Variants in LDB2 observed in about 807,000 individuals in gnomAD.
LDB2 encodes LIM domain binding 2.
In LDB2, 12 loss-of-function variants were observed where a neutral mutation model predicts 44.3. The observed-to-expected ratio is 0.27, with a 90% CI of 0.17 to 0.44. The LOEUF (loss-of-function observed/expected upper bound fraction) is 0.44. Ranked by LOEUF, LDB2 falls within the 20% of genes least tolerant of loss-of-function variation. LDB2 has a pLI of 1.00. For missense variants in LDB2, 344 were observed against 473.5 expected (o/e 0.73, Z 2.54); for synonymous variants, 164 against 174.8 (o/e 0.94, Z 0.49).
At chr4:16,813,847 AG>A (rs1307453289) in intron 1 of LDB2, among the ~76,000 whole-genome samples, 1 of 151,158 alleles carries the variant, frequency 6.6e-6, no homozygotes, top group Non-Finnish European at 1.5e-5. Context: ...GGCTACCCAC[AG>A]GGATACTGAT....
intron 2 of LDB2, among the ~76,000 whole-genome samples, chr4:16,724,321 G>A (rs1208374873): frequency 1.3e-5 from 2 of 151,548 alleles, no homozygotes; most frequent in Non-Finnish European, 2.9e-5. Flanking sequence ...TGGGTAACTG[G>A]AGTGTGTTGG....
At chr4:16,532,384 C>T (rs535657570) in intron 5 of LDB2, among the ~76,000 whole-genome samples, 5 of 152,270 alleles carry the variant, frequency 3.3e-5, no homozygotes, top group Admixed American at 2.0e-4. Context: ...AGAGCCATTG[C>T]GCATGGTGAT....
At chr4:16,729,549 A>G (rs1385163557) in intron 2 of LDB2, among the ~76,000 whole-genome samples, 3 of 152,204 alleles carry the variant, frequency 2.0e-5, no homozygotes, top group Non-Finnish European at 2.9e-5. Flanking sequence ...ATAATCTGCT[A>G]TATTTCAGGC....
At chr4:16,879,909 AAC>A (rs1038431762) in intron 1 of LDB2, among the ~76,000 whole-genome samples, 22 of 152,156 alleles carry the variant, frequency 1.4e-4, no homozygotes, top group African/African-American at 5.1e-4. Flanking sequence ...CCAAGCACGG[AAC>A]ACAGAGACAA....
At chr4:16,771,878 T>C (rs1160712774) in intron 1 of LDB2, among the ~76,000 whole-genome samples, 1 of 152,224 alleles carries the variant, frequency 6.6e-6, no homozygotes, top group African/African-American at 2.4e-5. Flanking sequence ...GAGGATCTTT[T>C]AACAATACCC....
At chr4:16,815,634 T>G (rs974407303) in intron 1 of LDB2, among the ~76,000 whole-genome samples, 1 of 152,148 alleles carries the variant, frequency 6.6e-6, no homozygotes, top group Non-Finnish European at 1.5e-5. Flanking sequence ...CAGAACCCAC[T>G]CTTCAAGTCT....
At chr4:16,643,150 C>T (rs529622109) in intron 2 of LDB2, among the ~76,000 whole-genome samples, 1 of 132,746 alleles carries the variant, frequency 7.5e-6, no homozygotes, top group East Asian at 2.3e-4. Flanking sequence ...CAACAATTCT[C>T]TAACAGATAG....
At chr4:16,898,063 A>G (rs974881882) in intron 1 of LDB2, among the ~76,000 whole-genome samples, 10 of 151,370 alleles carry the variant, frequency 6.6e-5, no homozygotes, top group African/African-American at 2.4e-4. Flanking sequence ...GGACTGACTC[A>G]GAGCCTGTAA....
intron 5 of LDB2, among the ~76,000 whole-genome samples, chr4:16,537,825 G>A (rs1408523114): frequency 6.6e-6 from 1 of 152,148 alleles, no homozygotes; most frequent in Non-Finnish European, 1.5e-5. Flanking sequence ...ACTGCCACTG[G>A]TTTCTCAAGC....
intron 1 of LDB2, among the ~76,000 whole-genome samples, chr4:16,768,342 C>A (rs1769826465): frequency 6.6e-6 from 1 of 152,130 alleles, no homozygotes; most frequent in African/African-American, 2.4e-5. Context: ...TAACCCTACT[C>A]TCTTGTACAC....
chr4:16,508,639 A>G lies in LDB2; in HGVS notation c.787T>C (p.Ser263Pro). The change falls in exon 7 of 8, where the codon TCC becomes CCC. Residue 263 changes from serine to proline, a missense_variant. By Grantham distance (74) the Ser-to-Pro change is moderately conservative (BLOSUM62 -1). This residue lies in a region of LDB2 where 86 missense variants were observed against 171.2 expected (regional missense o/e 0.50). Transcript: ENST00000304523. ...CTGCTGTTGGAAGTGCTGCTGGTGG[A>G]ATTTTTCCTTTTTCTCCGTTTGGTT... Reference protein sequence around the residue: ...PTTKRRKRKNSTSSTSNSSAG... With the variant: ...PTTKRRKRKNPTSSTSNSSAG... The G allele has an allele frequency of 6.2e-7, 1 of 1,613,626 alleles. No individual in the cohort carries two copies. The highest frequency in any genetic ancestry group is 8.5e-7 in the Non-Finnish European group (1 of 1,179,770).
chr4:16,726,519 T>C (rs1307886374), intron 2 of LDB2: 2 of 152,174 alleles, frequency 1.3e-5, no homozygotes, highest in African/African-American at 4.8e-5. Flanking sequence ...AGAATCAGGT[T>C]CCTTGAATTT....
At chr4:16,560,828 G>A (rs1430895021) in intron 5 of LDB2, among the ~76,000 whole-genome samples, 6 of 152,140 alleles carry the variant, frequency 3.9e-5, no homozygotes, top group Admixed American at 3.9e-4. Flanking sequence ...ATAAAATACT[G>A]GCAAACCGAA....
chr4:16,720,238 A>G (rs907139193), intron 2 of LDB2, among the ~76,000 whole-genome samples: 2 of 151,864 alleles, frequency 1.3e-5, no homozygotes, highest in African/African-American at 4.8e-5. Context: ...AAGAAAGATT[A>G]TCCTAGATAA....
In LDB2 at chr4:16,543,926, C is replaced by T. The variant is rs1307560408; in HGVS notation, c.616-31822G>A. On this transcript the variant is annotated intron_variant, in intron 5 of 7. Coordinates refer to ENST00000304523, the MANE Select transcript of LDB2 (RefSeq NM_001290.5). ...TTAAACAAATTTACAAGAAAAAAAT[C>T]AAATAATTGTTTTTTTCTCCCTCTC... 3.3e-5 allele frequency among the ~76,000 whole-genome samples: 5 copies of T among 152,202 alleles called. No homozygotes were observed. In the East Asian group the frequency reaches 7.7e-4, roughly 24 times the overall value.
chr4:16,600,565 T>G lies in LDB2; in HGVS notation c.236-4690A>C, dbSNP rs147176382. Among the ~76,000 whole-genome samples the G allele has an allele frequency of 2.4e-3, 371 of 152,334 alleles. 1 individual carries two copies. The highest frequency in any genetic ancestry group is 8.5e-3 in the African/African-American group (353 of 41,590). On this transcript the variant is annotated intron_variant, in intron 2 of 7. Transcript: ENST00000304523. Reference sequence around the variant, plus strand: ...TAAATTATTCAGGTGTTGAAATGTGTATAAAGAATGTTACACTTTATAGGT... The same window carrying G: ...TAAATTATTCAGGTGTTGAAATGTGGATAAAGAATGTTACACTTTATAGGT...
chr4:16,833,542 C>CTT (rs1386621073), intron 1 of LDB2, among the ~76,000 whole-genome samples: 7 of 125,602 alleles, frequency 5.6e-5, no homozygotes, highest in Non-Finnish European at 1.0e-4. Context: ...CAATCTTTTC[C>CTT]TCTTTTTTTT....
At chr4:16,516,334 A>G (rs947120921) in intron 5 of LDB2, among the ~76,000 whole-genome samples, 28 of 152,246 alleles carry the variant, frequency 1.8e-4, no homozygotes, top group African/African-American at 6.8e-4. Flanking sequence ...ATTATTAATT[A>G]TATATTAGCA....
rs1487199748 is a variant in LDB2, at chr4:16,739,584, AAAAAAATATATATAT to A, written c.235+19559_235+19573del. Among the ~76,000 whole-genome samples the A allele has an allele frequency of 1.7e-3, 145 of 84,594 alleles. 16 individuals carry two copies. The highest frequency in any genetic ancestry group is 7.0e-3 in the African/African-American group (139 of 19,938). 55.5% of individuals were successfully genotyped at this position (84,594 alleles called of 152,430 possible). A position where few individuals can be genotyped will look rare whatever the true frequency, so the allele number is the denominator to read the frequency against. On this transcript the variant is annotated intron_variant, in intron 2 of 7. Transcript: ENST00000304523. ...CTCGGTGACAGAGGGAAAAAAAAAA[AAAAAAATATATATAT>A]ATATATATATGTATATATACATGTG...
Sources: allele counts gnomAD v4.1 joint callset (sites outside exome capture counted in the v4.1 genomes callset), GRCh38; gene constraint gnomAD v4.1.1; regional missense constraint gnomAD v4.1.1; transcripts MANE v1.5; gene names NCBI Gene and HGNC (gene_info 2026-07-23, HGNC 2026-07-21).